Variants in ULK4 observed in about 807,000 individuals in gnomAD.
ULK4 encodes the protein unc-51 like kinase 4, also known as inactive serine/threonine-protein kinase ULK4.
In ULK4, 133 loss-of-function variants were observed where a neutral mutation model predicts 160.6. That is an observed-to-expected ratio of 0.83 (90% CI 0.72 to 0.96). ULK4 has a LOEUF of 0.96. Ranked by LOEUF, ULK4 falls within the 40% of genes least tolerant of loss-of-function variation. ULK4 has a pLI of 0.00. For missense variants in ULK4, 1,580 were observed against 1,499.5 expected, an observed-to-expected ratio of 1.05 and a Z score of -0.89; for synonymous variants, 534 against 539.8, an observed-to-expected ratio of 0.99 and a Z score of 0.15.
At chr3:41,564,605 C>G (rs2087723346) in intron 32 of ULK4, among the ~76,000 whole-genome samples, 1 of 151,502 alleles carries the variant, frequency 6.6e-6, no homozygotes, top group Admixed American at 6.6e-5. Context: ...ACTACAGTCA[C>G]CCGCCACCAC....
intron 4 of ULK4, among the ~76,000 whole-genome samples, chr3:41,933,708 A>T (rs1437967889): frequency 6.6e-6 from 1 of 151,790 alleles, no homozygotes; most frequent in African/African-American, 2.4e-5. Context: ...TTTTTTTTTA[A>T]GCCGTATCTG....
intron 12 of ULK4, among the ~76,000 whole-genome samples, chr3:41,901,169 C>CTGTTTTTTTT (rs1698337774): frequency 1.0e-5 from 1 of 95,744 alleles, no homozygotes; most frequent in Non-Finnish European, 2.2e-5. Context: ...AACAGCATGG[C>CTGTTTTTTTT]TTCTTTTTTT....
chr3:41,770,785 T>C (rs1190179848), intron 21 of ULK4, among the ~76,000 whole-genome samples: 1 of 152,218 alleles, frequency 6.6e-6, no homozygotes, highest in African/African-American at 2.4e-5. Context: ...AGTGCTGGGA[T>C]TACAGGCATG....
chr3:41,426,177 C>T (rs2082771633), intron 34 of ULK4, among the ~76,000 whole-genome samples: 1 of 152,120 alleles, frequency 6.6e-6, no homozygotes, highest in Non-Finnish European at 1.5e-5. Context: ...TCAAAACAGA[C>T]AAAGAAGGGC....
intron 25 of ULK4, among the ~76,000 whole-genome samples, chr3:41,707,301 G>T (rs2036935712): frequency 6.6e-6 from 1 of 152,120 alleles, no homozygotes; most frequent in Non-Finnish European, 1.5e-5. Flanking sequence ...CATGACATTG[G>T]TCTGGGCAAT....
chr3:41,395,674 G>A (rs2082044549), intron 35 of ULK4, among the ~76,000 whole-genome samples: 1 of 152,114 alleles, frequency 6.6e-6, no homozygotes, highest in African/African-American at 2.4e-5. Flanking sequence ...AGTTTGGGAA[G>A]ATGAAAAAGT....
chr3:41,646,146 A>C (rs2034477695), intron 30 of ULK4, among the ~76,000 whole-genome samples: 1 of 152,174 alleles, frequency 6.6e-6, no homozygotes, highest in South Asian at 2.1e-4. Context: ...CTCTTTATCC[A>C]ATCTGCCAGT....
At chr3:41,802,463 AT>A (rs1308540847) in intron 19 of ULK4, among the ~76,000 whole-genome samples, 2 of 151,818 alleles carry the variant, frequency 1.3e-5, no homozygotes, top group Non-Finnish European at 2.9e-5. Context: ...TGCCCAGCCA[AT>A]TTTTTTTATT....
rs1716698 is a variant in ULK4, at chr3:41,915,974, T to G, written c.803+3A>C. 0.81 allele frequency: 1,275,984 copies of G among 1,583,686 alleles called. 524,032 individuals carry two copies. The highest frequency in any genetic ancestry group is 0.85 in the East Asian group (37,691 of 44,316). ...GAAAAAAAGATCGAACTACTGTCCC[T>G]ACCTTTTCTGAGGATCTCTTTGAAG... On this transcript the variant is annotated splice_donor_region_variant and intron_variant, in intron 8 of 36. Transcript: ENST00000301831.
chr3:41,920,538 C>T (rs1478619703), intron 5 of ULK4, among the ~76,000 whole-genome samples: 1 of 152,198 alleles, frequency 6.6e-6, no homozygotes, highest in Non-Finnish European at 1.5e-5. Context: ...TAGAGGGATA[C>T]TTAACCTCCA....
intron 17 of ULK4, among the ~76,000 whole-genome samples, chr3:41,851,914 G>A (rs1040661748): frequency 1.3e-5 from 2 of 152,070 alleles, no homozygotes; most frequent in East Asian, 1.9e-4. Flanking sequence ...AACTGAAGGA[G>A]ATAGAAACAC....
chr3:41,650,698 G>A (rs534139885), intron 30 of ULK4, among the ~76,000 whole-genome samples: 88 of 152,210 alleles, frequency 5.8e-4, no homozygotes, highest in Non-Finnish European at 1.1e-3. Context: ...GAGCCGAGTG[G>A]GCAGAACGAG....
In ULK4 at chr3:41,954,649, C is replaced by T. The variant is rs1158810927; in HGVS notation, c.111G>A (p.Lys37=). The T allele has an allele frequency of 6.2e-7, 1 of 1,613,784 alleles. No individual in the cohort carries two copies. ...INFVAILCTD[K]CKRPEITNWV... ...AGTTGGTTATTTCAGGCCTTTTGCA[C>T]TTATCAGTACAAAGAATGGCTACAA... Residue 37 remains lysine (K), a synonymous_variant, in exon 2 of 37, where the codon AAG becomes AAA. Transcript: ENST00000301831.
chr3:41,426,106 C>G (rs2082770221), intron 34 of ULK4, among the ~76,000 whole-genome samples: 1 of 151,986 alleles, frequency 6.6e-6, no homozygotes, highest in Non-Finnish European at 1.5e-5. Context: ...AAATGGTAAG[C>G]AGAAAAAATC....
At position 41,911,365 on chromosome 3, in the gene ULK4, G is replaced by C; in HGVS notation, c.1037C>G (p.Pro346Arg). Residue 346 changes from proline to arginine, a missense_variant, in exon 11 of 37, where the codon CCT becomes CGT. Coordinates refer to ENST00000301831, the MANE Select transcript of ULK4 (RefSeq NM_017886.4). Reference protein sequence around the residue: ...FRLENPTEFRPKSTLEGQLNE... With the variant: ...FRLENPTEFRRKSTLEGQLNE... ...CAATTGACCCTCAAGAGTACTCTTA[G>C]GCCGAAACTCAGTTGGATTTTCTGT... is the stretch of plus-strand genomic sequence containing the variant. 6.2e-7 allele frequency: 1 copy of C among 1,614,084 alleles called. No homozygotes were observed. The highest frequency in any genetic ancestry group is 1.7e-5 in the Admixed American group (1 of 60,006).
intron 17 of ULK4, among the ~76,000 whole-genome samples, chr3:41,848,999 T>C (rs2042139443): frequency 6.6e-6 from 1 of 152,182 alleles, no homozygotes; most frequent in African/African-American, 2.4e-5. Flanking sequence ...ATGTGCAATT[T>C]TCCATACTCT....
chr3:41,950,872 C>T (rs1007175667), intron 2 of ULK4, among the ~76,000 whole-genome samples: 1 of 151,598 alleles, frequency 6.6e-6, no homozygotes, highest in Non-Finnish European at 1.5e-5. Flanking sequence ...AGGCTGGGCA[C>T]GGTGGCTCAC....
At chr3:41,811,949 A>G (rs571320017) in intron 19 of ULK4, among the ~76,000 whole-genome samples, 6 of 152,292 alleles carry the variant, frequency 3.9e-5, no homozygotes, top group African/African-American at 1.2e-4. Flanking sequence ...TCTTTTCCAA[A>G]CAGGCCAACC....
intron 32 of ULK4, among the ~76,000 whole-genome samples, chr3:41,506,463 T>A (rs1356837898): frequency 6.6e-6 from 1 of 152,132 alleles, no homozygotes; most frequent in Non-Finnish European, 1.5e-5. Flanking sequence ...AACATTCTTT[T>A]CCAGGTTTTG....
Sources: allele counts gnomAD v4.1 joint callset (sites outside exome capture counted in the v4.1 genomes callset), GRCh38; gene constraint gnomAD v4.1.1; transcripts MANE v1.5; gene names NCBI Gene and HGNC (gene_info 2026-07-23, HGNC 2026-07-21).